GALNT2: variants seen among roughly 807,000 people sequenced by gnomAD.
The protein encoded by GALNT2 is UDP-GalNAc:polypeptide N-acetylgalactosaminyltransferase 2.
GALNT2 carries 31 observed loss-of-function variants against 81.4 expected under a neutral mutation model. The observed-to-expected ratio is 0.38, with a 90% confidence interval of 0.29 to 0.51. GALNT2 has a LOEUF of 0.51. Ranked by LOEUF, GALNT2 falls within the 20% of genes least tolerant of loss-of-function variation. The probability of loss-of-function intolerance (pLI) is 0.87; values close to 1 mark genes in which losing one functional copy is unlikely to be tolerated. For synonymous variants in GALNT2, 303 were observed against 287.4 expected (o/e 1.05, Z -0.55); for missense variants, 629 against 765.7 (o/e 0.82, Z 2.11).
intron 1 of GALNT2, among the ~76,000 whole-genome samples, chr1:230,150,173 C>T (rs1055040497): frequency 5.3e-5 from 8 of 152,300 alleles, no homozygotes; most frequent in East Asian, 1.9e-4. Flanking sequence ...GCACTGGCTC[C>T]GCCCTGGGGC....
In GALNT2 at chr1:230,067,238, A is replaced by G. The variant is rs1489111599; in HGVS notation, c.-43A>G. On this transcript the variant is annotated 5_prime_UTR_variant, in exon 1 of 16. Transcript: ENST00000366672. ...CGCGCCCGCGGCCGGCCCAGGCAGC[A>G]CTCGCGAGCAGCGGCGGCCCCGCCG... 11 of 1,215,610 alleles carry G rather than the reference A, an allele frequency of 9.0e-6. No homozygotes were observed. The highest frequency in any genetic ancestry group is 1.0e-5 in the Non-Finnish European group (10 of 966,436). The allele number at this position is 1,215,610 out of a possible 1,614,324, so 75.3% of individuals were successfully genotyped here.
chr1:230,271,467 C>A lies in GALNT2; in HGVS notation c.1441-2978C>A, dbSNP rs1666159582. 6.6e-6 allele frequency among the ~76,000 whole-genome samples: 1 copy of A among 152,248 alleles called. No individual in the cohort carries two copies. Among genetic ancestry groups the A allele is most frequent in the Non-Finnish European group, 1.5e-5 (1 of 68,050 alleles). On this transcript the variant is annotated intron_variant, in intron 14 of 15. Transcript: ENST00000366672. The surrounding 1 kb of genome is among the most constrained non-coding windows in gnomAD (Gnocchi z 4.2). ...GTCATGCCTGTCAACTCAGTTCTGA[C>A]ACTGCCTACCCAGAGTTAGCACAGA...
chr1:230,276,617 T>C (rs1182930166), intron 15 of GALNT2, among the ~76,000 whole-genome samples: 1 of 152,152 alleles, frequency 6.6e-6, no homozygotes, highest in African/African-American at 2.4e-5. Context: ...CCTGTCTGTC[T>C]CCAAACCCCT....
At chr1:230,217,312 G>A (rs1197139105) in intron 3 of GALNT2, among the ~76,000 whole-genome samples, 1 of 152,186 alleles carries the variant, frequency 6.6e-6, no homozygotes, top group African/African-American at 2.4e-5. Context: ...TGAGGGAAGG[G>A]ACGAGGGAGT....
intron 1 of GALNT2, among the ~76,000 whole-genome samples, chr1:230,144,451 T>C (rs2144298): frequency 0.78 from 119,263 of 152,114 alleles, 47,309 homozygotes; most frequent in African/African-American, 0.81. Flanking sequence ...GGTGCCTGCA[T>C]GTGAAGGGCG....
chr1:230,159,359 A>T (rs1662361551), intron 1 of GALNT2, among the ~76,000 whole-genome samples: 1 of 152,176 alleles, frequency 6.6e-6, no homozygotes, highest in South Asian at 2.1e-4. Flanking sequence ...CCCTGAGTTT[A>T]TTAGAAGGAT....
chr1:230,067,328 GC>G lies in GALNT2; in HGVS notation c.49del (p.Leu17TrpfsTer125). On this transcript the variant is annotated frameshift_variant, in exon 1 of 16. Coordinates refer to ENST00000366672, the MANE Select transcript of GALNT2 (RefSeq NM_004481.5). LOFTEE classifies it high-confidence loss of function. ...MLLCFAFLWVLGIAYYMYSGG... is the reference protein window; with the variant it reads ...MLLCFAFLWVXGIAYYMYSGG... ...TGCTCTGCTTCGCCTTCCTGTGGGT[GC>G]TGGGCATCGCCTACTACATGTACTC... The G allele has an allele frequency of 5.8e-6, 8 of 1,390,576 alleles. No homozygotes were observed. Among genetic ancestry groups the G allele is most frequent in the Non-Finnish European group, 7.6e-6 (8 of 1,059,288 alleles). 86.1% of individuals were successfully genotyped at this position (1,390,576 alleles called of 1,614,324 possible).
chr1:230,189,676 A>G (rs1316618912), intron 2 of GALNT2, among the ~76,000 whole-genome samples: 1 of 152,196 alleles, frequency 6.6e-6, no homozygotes, highest in African/African-American at 2.4e-5. Context: ...TAAAGTTGCC[A>G]TTTTAAGCGT....
chr1:230,080,906 A>G (rs751333020), intron 1 of GALNT2, among the ~76,000 whole-genome samples: 8 of 152,188 alleles, frequency 5.3e-5, no homozygotes, highest in Non-Finnish European at 7.3e-5. Context: ...GCTAATGTCA[A>G]CTGTCACTTT....
intron 1 of GALNT2, among the ~76,000 whole-genome samples, chr1:230,149,785 AT>A (rs1295631304): frequency 6.6e-6 from 1 of 152,148 alleles, no homozygotes; most frequent in East Asian, 1.9e-4. Context: ...TTAGAATAGC[AT>A]GGCGTGAATA....
intron 1 of GALNT2, among the ~76,000 whole-genome samples, chr1:230,150,831 G>C (rs1662074325): frequency 6.6e-6 from 1 of 152,192 alleles, no homozygotes; most frequent in African/African-American, 2.4e-5. Context: ...GGCCCTGACT[G>C]TGCAGTTTTC....
At chr1:230,084,147 G>A (rs1397218642) in intron 1 of GALNT2, among the ~76,000 whole-genome samples, 3 of 152,310 alleles carry the variant, frequency 2.0e-5, no homozygotes, top group East Asian at 1.9e-4. Context: ...GTGTCTTGAG[G>A]CCAGCACAGG....
At position 230,158,897 on chromosome 1, in the gene GALNT2, T is replaced by C. The variant is rs137880166; in HGVS notation, c.127-19321T>C. Among the ~76,000 whole-genome samples the C allele has an allele frequency of 9.3e-5, 14 of 150,702 alleles. No homozygotes were observed. The East Asian group carries it at 2.7e-3, about 29-fold the overall frequency. On this transcript the variant is annotated intron_variant, in intron 1 of 15. Transcript: ENST00000366672. The stretch of plus-strand genomic sequence containing the variant: ...CGTGAATAGCTGGCAACAAAGAGGA[T>C]TGAACCTTGGACCTAGTGTGTCTGA...
chr1:230,094,222 G>C (rs1660178404), intron 1 of GALNT2, among the ~76,000 whole-genome samples: 1 of 145,850 alleles, frequency 6.9e-6, no homozygotes, highest in Admixed American at 6.9e-5. Context: ...TGTTGCTCAG[G>C]GTGGTGTCAA....
At chr1:230,199,328 A>G (rs866598087) in intron 2 of GALNT2, among the ~76,000 whole-genome samples, 1 of 152,048 alleles carries the variant, frequency 6.6e-6, no homozygotes, top group African/African-American at 2.4e-5. Flanking sequence ...CTTGTTCTCC[A>G]TGGATTTTCC....
At chr1:230,119,637 TC>T (rs1192742496) in intron 1 of GALNT2, among the ~76,000 whole-genome samples, 2 of 151,990 alleles carry the variant, frequency 1.3e-5, no homozygotes, top group Admixed American at 6.6e-5. Context: ...TAAAGAGAAC[TC>T]CCCCCACCCC....
At chr1:230,230,699 T>G (rs1358699800) in intron 3 of GALNT2, among the ~76,000 whole-genome samples, 2 of 152,252 alleles carry the variant, frequency 1.3e-5, no homozygotes, top group Non-Finnish European at 2.9e-5. Context: ...CAGTATCTAT[T>G]CCCCATCTCT....
At chr1:230,211,537 G>A (rs1446582351) in intron 3 of GALNT2, among the ~76,000 whole-genome samples, 1 of 152,200 alleles carries the variant, frequency 6.6e-6, no homozygotes, top group East Asian at 1.9e-4. Context: ...GCTCACACCT[G>A]TAATTTCAGC....
At chr1:230,219,074 G>A (rs1176458840) in intron 3 of GALNT2, among the ~76,000 whole-genome samples, 2 of 152,228 alleles carry the variant, frequency 1.3e-5, no homozygotes, top group Non-Finnish European at 2.9e-5. Context: ...ACCATCTGTA[G>A]AAAAATTGTC....
Sources: allele counts gnomAD v4.1 joint callset (sites outside exome capture counted in the v4.1 genomes callset), GRCh38; gene constraint gnomAD v4.1.1; non-coding constraint Gnocchi (gnomAD v3.1); transcripts MANE v1.5; gene names NCBI Gene and HGNC (gene_info 2026-07-23, HGNC 2026-07-21).